The following PKP4 variants were observed in gnomAD, a reference collection of about 807,000 sequenced individuals.
The protein encoded by PKP4 is plakophilin-4.
Under a neutral mutation model 145.1 loss-of-function variants are expected in PKP4, and 90 were observed. That is an observed-to-expected ratio of 0.62 (90% CI 0.52 to 0.74). PKP4 has a LOEUF of 0.74. Among genes scored for constraint, PKP4 ranks in the 30% least tolerant of loss-of-function variants. The pLI is 0.00. For missense variants in PKP4, 1,340 were observed against 1,482.7 expected (o/e 0.90, Z 1.58); for synonymous variants, 563 against 577.2 (o/e 0.98, Z 0.35).
At chr2:158,675,038 G>A (rs796994306) in intron 19 of PKP4, among the ~76,000 whole-genome samples, 21 of 152,248 alleles carry the variant, frequency 1.4e-4, no homozygotes, top group African/African-American at 4.6e-4. Context: ...AGAAACCTAC[G>A]TGTCTGGTTT....
chr2:158,471,176 T>TAA (rs1272604974), intron 1 of PKP4, among the ~76,000 whole-genome samples: 2 of 151,996 alleles, frequency 1.3e-5, no homozygotes, highest in Non-Finnish European at 2.9e-5. Context: ...AGTTTTAAGA[T>TAA]AGAGTGGACT....
chr2:158,489,308 G>A (rs1694609987), intron 1 of PKP4, among the ~76,000 whole-genome samples: 3 of 152,108 alleles, frequency 2.0e-5, no homozygotes, highest in African/African-American at 7.2e-5. Context: ...GCTTTTTATA[G>A]TTATGGAGTT....
intron 3 of PKP4, among the ~76,000 whole-genome samples, chr2:158,601,109 GTGTGCCTGGCAAATGCTAGGCACT>G (rs1166578085): frequency 6.6e-6 from 1 of 152,130 alleles, no homozygotes; most frequent in Non-Finnish European, 1.5e-5. Flanking sequence ...AGCATCTGCT[GTGTGCCTGGCAAATGCTAGGCACT>G]TGGTATAAAG....
intron 1 of PKP4, among the ~76,000 whole-genome samples, chr2:158,519,009 C>A (rs2042138899): frequency 6.6e-6 from 1 of 152,070 alleles, no homozygotes; most frequent in African/African-American, 2.4e-5. Context: ...TTGTTTTCAG[C>A]TCTGGGAATT....
rs2043445874 is a variant in PKP4 at position 158,530,584 on chromosome 2, T to G, written c.-5-2596T>G. Among the ~76,000 whole-genome samples the G allele has an allele frequency of 6.7e-5, 10 of 150,312 alleles. No homozygotes were observed. In the South Asian group the frequency reaches 1.9e-3, roughly 29 times the overall value. On this transcript the variant is annotated intron_variant, in intron 1 of 21. Transcript: ENST00000389759. ...GTGACTCCAGTCTTAGCTTGATACT[T>G]TCTAATTCATTAAATGGTCTTACAA...
At chr2:158,543,546 A>G (rs1028652741) in intron 2 of PKP4, among the ~76,000 whole-genome samples, 33 of 152,326 alleles carry the variant, frequency 2.2e-4, no homozygotes, top group African/African-American at 7.9e-4. Flanking sequence ...GTCATCAAGA[A>G]AAGTGTGTGC....
intron 2 of PKP4, 197 bp downstream of exon 2, chr2:158,533,513 C>T (rs1402036618): frequency 3.0e-6 from 2 of 671,910 alleles, no homozygotes; most frequent in Non-Finnish European, 5.5e-6. Context: ...TCGGAACATG[C>T]AGGATACTTG....
intron 1 of PKP4, among the ~76,000 whole-genome samples, chr2:158,489,951 C>G (rs1694705894): frequency 6.6e-6 from 1 of 152,064 alleles, no homozygotes; most frequent in African/African-American, 2.4e-5. Context: ...CCCCCGTGAG[C>G]AAAACAACAA....
intron 4 of PKP4, among the ~76,000 whole-genome samples, chr2:158,617,042 A>T (rs3771649): frequency 6.6e-6 from 1 of 152,182 alleles, no homozygotes; most frequent in Non-Finnish European, 1.5e-5. Flanking sequence ...ATAGCCCTAC[A>T]GCGTTATTGT....
chr2:158,616,115 A>G (rs1047260762), intron 4 of PKP4, among the ~76,000 whole-genome samples: 2 of 152,182 alleles, frequency 1.3e-5, no homozygotes, highest in Non-Finnish European at 2.9e-5. Flanking sequence ...ATATCTGTCA[A>G]CTTGTATTTT....
chr2:158,574,431 T>C (rs1250569336), intron 2 of PKP4, among the ~76,000 whole-genome samples: 1 of 152,216 alleles, frequency 6.6e-6, no homozygotes, highest in Non-Finnish European at 1.5e-5. Flanking sequence ...TGCATCATCA[T>C]CTTAATGAGC....
chr2:158,557,010 TCA>T (rs2046152479), intron 2 of PKP4, among the ~76,000 whole-genome samples: 1 of 151,938 alleles, frequency 6.6e-6, no homozygotes, highest in African/African-American at 2.4e-5. Flanking sequence ...AACTCTGGAG[TCA>T]CACCTTCTAA....
intron 3 of PKP4, among the ~76,000 whole-genome samples, chr2:158,589,649 GC>G (rs1446867457): frequency 6.6e-6 from 1 of 152,102 alleles, no homozygotes; most frequent in Non-Finnish European, 1.5e-5. Flanking sequence ...ATTGTCTGTT[GC>G]CACTAATGTA....
intron 1 of PKP4, among the ~76,000 whole-genome samples, chr2:158,476,379 G>A (rs370518305): frequency 1.4e-4 from 22 of 152,192 alleles, no homozygotes; most frequent in Non-Finnish European, 2.6e-4. Context: ...TGCCCAGCCC[G>A]GAGTGCAGTG....
chr2:158,475,177 T>C (rs1163644930), intron 1 of PKP4, among the ~76,000 whole-genome samples: 1 of 152,204 alleles, frequency 6.6e-6, no homozygotes. Context: ...TAGATACTTT[T>C]ATAGCTGTCT....
intron 1 of PKP4, among the ~76,000 whole-genome samples, chr2:158,527,320 G>A (rs1158407176): frequency 2.1e-5 from 3 of 144,044 alleles, no homozygotes; most frequent in African/African-American, 7.8e-5. Flanking sequence ...AGAGCCCTCA[G>A]AAATAACGCT....
intron 7 of PKP4, 46 bp downstream of exon 7, chr2:158,625,473 T>A (rs2052683013): frequency 2.8e-6 from 4 of 1,454,012 alleles, no homozygotes; most frequent in Non-Finnish European, 3.8e-6. Flanking sequence ...TGAGGAAATC[T>A]TCTGTGTAAC....
At chr2:158,619,810 C>G (rs954456968) in intron 4 of PKP4, among the ~76,000 whole-genome samples, 2 of 152,132 alleles carry the variant, frequency 1.3e-5, no homozygotes, top group African/African-American at 4.8e-5. Flanking sequence ...AGCTTATATT[C>G]TAGTGGGGAG....
rs578216882 is a variant in PKP4, at chr2:158,581,920, G to T, written c.245+4537G>T. On this transcript the variant is annotated intron_variant, in intron 3 of 21. Coordinates refer to ENST00000389759, the MANE Select transcript of PKP4 (RefSeq NM_003628.6). The stretch of plus-strand genomic sequence containing the variant: ...ACAAGGTAAAAACCTCATTTCTGAT[G>T]ACTTTTCCATTGGTTTTATTTACTT... Among the ~76,000 whole-genome samples, 3 of 152,228 alleles carry T rather than the reference G, an allele frequency of 2.0e-5. No homozygotes were observed. In the East Asian group the frequency reaches 5.8e-4, roughly 29 times the overall value.
Sources: allele counts gnomAD v4.1 joint callset (sites outside exome capture counted in the v4.1 genomes callset), GRCh38; gene constraint gnomAD v4.1.1; transcripts MANE v1.5; gene names NCBI Gene and HGNC (gene_info 2026-07-23, HGNC 2026-07-21).